The following IL17B variants were observed in gnomAD, a reference collection of about 807,000 sequenced individuals.
IL17B encodes interleukin-17B.
Under a neutral mutation model 14.7 loss-of-function variants are expected in IL17B, and 14 were observed. That is an observed-to-expected ratio of 0.95 (90% CI 0.63 to 1.49). The LOEUF is 1.49. Among genes scored for constraint, IL17B ranks in the 40% most tolerant of loss-of-function variants. IL17B has a pLI of 0.00. For missense variants in IL17B, 233 were observed against 252.8 expected (o/e 0.92, Z 0.53); for synonymous variants, 105 against 94.8 (o/e 1.11, Z -0.62).
At chr5:149,396,907 G>T (rs353266) in intron 1 of IL17B, among the ~76,000 whole-genome samples, 17,899 of 152,246 alleles carry the variant, frequency 0.12, 1,421 homozygotes, top group East Asian at 0.17. Context: ...CTGACGAAGG[G>T]CGTTTTTTTA....
Position 149,389,272 on chromosome 5 carries a change from A to C in IL17B, n.96-12247T>G, listed in dbSNP as rs115793170. On this transcript the variant is annotated intron_variant and non_coding_transcript_variant, in intron 1 of 2. Transcript: ENST00000505432. ...CAGAAAAAGGTCTATGTGTCTTGCT[A>C]ACCCCAAACTAGATTTATCCAGTTC... Among the ~76,000 whole-genome samples, 1,223 of 152,354 alleles carry C rather than the reference A, an allele frequency of 8.0e-3. 12 individuals carry two copies. Among genetic ancestry groups the C allele is most frequent in the African/African-American group, 0.028 (1,163 of 41,588 alleles).
intron 1 of IL17B, among the ~76,000 whole-genome samples, chr5:149,378,914 G>A (rs150877943): frequency 6.6e-6 from 1 of 152,136 alleles, no homozygotes; most frequent in Non-Finnish European, 1.5e-5. Flanking sequence ...CTCAGAAGCC[G>A]GGTCTCTTTG....
At chr5:149,396,453 G>A (rs1407081647) in intron 1 of IL17B, among the ~76,000 whole-genome samples, 2 of 152,186 alleles carry the variant, frequency 1.3e-5, no homozygotes, top group Non-Finnish European at 2.9e-5. Flanking sequence ...TTCTTTGACA[G>A]TCAAACCTCT....
intron 1 of IL17B, among the ~76,000 whole-genome samples, chr5:149,390,630 C>CACACACACACACACACACACACAG (rs1491235916): frequency 7.3e-4 from 96 of 132,068 alleles, no homozygotes; most frequent in African/African-American, 2.6e-3. Flanking sequence ...CACACACACA[C>CACACACACACACACACACACACAG]AGAGATACAC....
In IL17B at chr5:149,374,962, A is replaced by C. The variant is rs1005666181; in HGVS notation, c.312-362T>G. The C allele has an allele frequency of 5.3e-6, 1 of 186,990 alleles. No homozygotes were observed. The highest frequency in any genetic ancestry group is 2.3e-5 in the African/African-American group (1 of 43,092). 11.6% of individuals were successfully genotyped at this position (186,990 alleles called of 1,614,324 possible). ...ATTTGAGACAGGGTCTCACTCTGTC[A>C]CCCAGGGTGGAAGTGGCCCAGTCAC... On this transcript the variant is annotated intron_variant, in intron 2 of 2. Coordinates refer to ENST00000261796, the MANE Select transcript of IL17B (RefSeq NM_014443.3). This position sits in a 1 kb window ranked among gnomAD's most constrained non-coding sequence, Gnocchi z 5.0.
At chr5:149,384,316 G>T (rs1758775248) in intron 1 of IL17B, among the ~76,000 whole-genome samples, 1 of 152,162 alleles carries the variant, frequency 6.6e-6, no homozygotes, top group South Asian at 2.1e-4. Flanking sequence ...TCCTCACGGG[G>T]TTGTTAAAAT....
intron 1 of IL17B, among the ~76,000 whole-genome samples, chr5:149,398,540 A>G (rs1046361768): frequency 1.3e-5 from 2 of 152,196 alleles, no homozygotes; most frequent in African/African-American, 2.4e-5. Context: ...AGGCAGCACA[A>G]TTCTTTACTG....
chr5:149,383,259 A>C (rs1260886531), upstream of IL17B, among the ~76,000 whole-genome samples: 2 of 152,224 alleles, frequency 1.3e-5, no homozygotes, highest in Non-Finnish European at 2.9e-5. Context: ...AGTTAAAATG[A>C]GTTTTGAGTT....
chr5:149,374,702 T>C lies in IL17B; in HGVS notation c.312-102A>G. ...GCCTTTCCTAATCAGAGTTTTAATTTCCACAGCAAGACTGTGTTGGGCTGG... is the reference window on the plus strand; with the variant it reads ...GCCTTTCCTAATCAGAGTTTTAATTCCCACAGCAAGACTGTGTTGGGCTGG... On this transcript the variant is annotated intron_variant, in intron 2 of 2. Coordinates refer to ENST00000261796, the MANE Select transcript of IL17B (RefSeq NM_014443.3). This position sits in a 1 kb window ranked among gnomAD's most constrained non-coding sequence, Gnocchi z 5.0. The C allele has an allele frequency of 2.3e-6, 2 of 852,022 alleles. No homozygotes were observed. Among genetic ancestry groups the C allele is most frequent in the South Asian group, 1.8e-5 (1 of 56,438 alleles). The allele number at this position is 852,022 out of a possible 1,614,324, so 52.8% of individuals were successfully genotyped here. A position where few individuals can be genotyped will look rare whatever the true frequency, so the allele number is the denominator to read the frequency against.
At chr5:149,396,024 C>G (rs985421180) in intron 1 of IL17B, among the ~76,000 whole-genome samples, 4 of 152,154 alleles carry the variant, frequency 2.6e-5, no homozygotes, top group Non-Finnish European at 4.4e-5. Context: ...CTGAAGTTGT[C>G]GTTGTTGCCA....
intron 1 of IL17B, among the ~76,000 whole-genome samples, chr5:149,397,964 T>A (rs916507610): frequency 6.6e-6 from 1 of 152,142 alleles, no homozygotes; most frequent in African/African-American, 2.4e-5. Context: ...CCCACCAACA[T>A]TGAGGGCAGA....
At chr5:149,383,743 C>T (rs1024288046), upstream of IL17B, among the ~76,000 whole-genome samples, 20 of 152,342 alleles carry the variant, frequency 1.3e-4, no homozygotes, top group Admixed American at 7.2e-4. Flanking sequence ...GGTGAATGGG[C>T]GGCCTCTGGG....
At chr5:149,389,865 T>A (rs1184689738) in intron 1 of IL17B, among the ~76,000 whole-genome samples, 1 of 152,192 alleles carries the variant, frequency 6.6e-6, no homozygotes, top group African/African-American at 2.4e-5. Context: ...TGTTTAACGG[T>A]CCTGGGTGGT....
chr5:149,384,040 C>T (rs567833741), upstream of IL17B, among the ~76,000 whole-genome samples: 9 of 152,364 alleles, frequency 5.9e-5, no homozygotes, highest in South Asian at 1.9e-3. Flanking sequence ...TCATCCAGCC[C>T]TTAGCAAAGC....
intron 1 of IL17B, among the ~76,000 whole-genome samples, chr5:149,390,053 G>C (rs1251041714): frequency 1.3e-5 from 2 of 152,164 alleles, no homozygotes. Context: ...TAACCGAGTT[G>C]CTCCCAGTTG....
intron 1 of IL17B, among the ~76,000 whole-genome samples, chr5:149,394,484 T>A (rs1759052319): frequency 6.6e-6 from 1 of 152,250 alleles, no homozygotes; most frequent in Non-Finnish European, 1.5e-5. Context: ...ATACACGCAT[T>A]ATGCTTACAA....
At chr5:149,392,469 G>A (rs918243523) in intron 1 of IL17B, among the ~76,000 whole-genome samples, 2 of 152,190 alleles carry the variant, frequency 1.3e-5, no homozygotes, top group Non-Finnish European at 2.9e-5. Context: ...ATGAAGTAAG[G>A]TGCATAAGAA....
At chr5:149,386,091 T>G (rs1758822212) in intron 1 of IL17B, among the ~76,000 whole-genome samples, 1 of 152,246 alleles carries the variant, frequency 6.6e-6, no homozygotes, top group African/African-American at 2.4e-5. Context: ...CCTTGCATAT[T>G]GGCCTCTGTT....
chr5:149,376,862 T>C lies in IL17B; in HGVS notation c.185A>G (p.Tyr62Cys), dbSNP rs144370508. Residue 62 changes from tyrosine (Y) to cysteine (C), a missense_variant, in exon 2 of 3, where the codon TAT (tyrosine) becomes TGT (cysteine). Coordinates refer to ENST00000261796, the MANE Select transcript of IL17B (RefSeq NM_014443.3). Reference protein sequence around the residue: ...RMKPYARMEEYERNIEEMVAQ... With the variant: ...RMKPYARMEECERNIEEMVAQ... ...CACCATCTCCTCGATGTTCCTCTCA[T>C]ACTCCTCCATGCGGGCATACGGTTT... is the stretch of plus-strand genomic sequence containing the variant. 1.9e-5 allele frequency: 31 copies of C among 1,614,012 alleles called. No homozygotes were observed. Among genetic ancestry groups the C allele is most frequent in the African/African-American group, 2.7e-5 (2 of 74,930 alleles).
Sources: allele counts gnomAD v4.1 joint callset (sites outside exome capture counted in the v4.1 genomes callset), GRCh38; gene constraint gnomAD v4.1.1; non-coding constraint Gnocchi (gnomAD v3.1); transcripts MANE v1.5; gene names NCBI Gene and HGNC (gene_info 2026-07-23, HGNC 2026-07-21).